CACNG7: variants seen among roughly 807,000 people sequenced by gnomAD.
CACNG7 encodes calcium voltage-gated channel auxiliary subunit gamma 7, also known as voltage-dependent calcium channel gamma-7 subunit.
Under a neutral mutation model 26.3 loss-of-function variants are expected in CACNG7, and 9 were observed. That is an observed-to-expected ratio of 0.34 (90% confidence interval 0.21 to 0.60). CACNG7 has a LOEUF of 0.60. CACNG7 is among the 20% of genes least tolerant of loss of function. CACNG7 has a pLI of 0.81. For synonymous variants in CACNG7, 170 were observed against 157.0 expected (o/e 1.08, Z -0.62); for missense variants, 297 against 380.4 (o/e 0.78, Z 1.82).
At chr19:53,932,883 C>T (rs780015253) in intron 4 of CACNG7, among the ~76,000 whole-genome samples, 1 of 149,428 alleles carries the variant, frequency 6.7e-6, no homozygotes, top group East Asian at 2.0e-4. Flanking sequence ...CGTCCAGGCA[C>T]TGCAACCTCC....
chr19:53,941,028 C>T (rs2069134130), intron 4 of CACNG7, among the ~76,000 whole-genome samples: 2 of 150,502 alleles, frequency 1.3e-5, no homozygotes, highest in Admixed American at 1.3e-4. Context: ...GGCCACTGCA[C>T]TCCAGCCCAG....
Position 53,916,785 on chromosome 19 carries a change from C to G in CACNG7, c.424+1280C>G, listed in dbSNP as rs2068901665. ...AAAGTGCTGGGATTACAGGTGTGAG[C>G]CCCTGCGCCTGGCTTTTTTTTTTTT... On this transcript the variant is annotated intron_variant, in intron 4 of 5. Coordinates refer to ENST00000391767, the MANE Select transcript of CACNG7 (RefSeq NM_031896.5). Among the ~76,000 whole-genome samples, 3 of 149,978 alleles carry G rather than the reference C, an allele frequency of 2.0e-5. 1 individual carries two copies. Among genetic ancestry groups the G allele is most frequent in the Non-Finnish European group, 4.4e-5 (3 of 67,574 alleles).
At chr19:53,924,861 G>T (rs1165428237) in intron 4 of CACNG7, among the ~76,000 whole-genome samples, 2 of 146,600 alleles carry the variant, frequency 1.4e-5, no homozygotes, top group South Asian at 2.3e-4. Flanking sequence ...GTCATTGGTG[G>T]ACTTGCCCCA....
intron 5 of CACNG7, 44 bp from the exon 6 acceptor site, chr19:53,941,992 G>A (rs1222182019): frequency 3.9e-6 from 6 of 1,529,728 alleles, no homozygotes; most frequent in Non-Finnish European, 5.3e-6. Flanking sequence ...GTCCGGGGAT[G>A]CGCAGGGGGG....
At chr19:53,936,577 G>A (rs1423968737) in intron 4 of CACNG7, among the ~76,000 whole-genome samples, 1 of 152,072 alleles carries the variant, frequency 6.6e-6, no homozygotes, top group South Asian at 2.1e-4. Flanking sequence ...TATCAGTGTG[G>A]ACTCATGTAT....
At chr19:53,925,224 A>T (rs1171822991) in intron 4 of CACNG7, among the ~76,000 whole-genome samples, 7 of 137,536 alleles carry the variant, frequency 5.1e-5, no homozygotes, top group South Asian at 2.3e-4. Flanking sequence ...CAGGCTGGTC[A>T]TTGGCGGACT....
At chr19:53,941,637 C>T in intron 5 of CACNG7, 22 bp downstream of exon 5, 3 of 1,604,454 alleles carry the variant, frequency 1.9e-6, no homozygotes, top group Non-Finnish European at 2.5e-6. Context: ...GGGACCTAGA[C>T]TCTAGAGTTC....
intron 1 of CACNG7, among the ~76,000 whole-genome samples, chr19:53,910,412 G>A (rs1174520799): frequency 6.6e-6 from 1 of 152,152 alleles, no homozygotes; most frequent in Non-Finnish European, 1.5e-5. Context: ...GGTGGAGCGG[G>A]GAGGAGTGAG....
chr19:53,915,241 G>C, intron 3 of CACNG7, 124 bp from the exon 4 acceptor site: 1 of 678,660 alleles, frequency 1.5e-6, no homozygotes, highest in Non-Finnish European at 2.6e-6. Flanking sequence ...AAGGGGAGGA[G>C]TCAGTAAGGA....
chr19:53,924,836 G>T (rs183013888), intron 4 of CACNG7, among the ~76,000 whole-genome samples: 1 of 119,280 alleles, frequency 8.4e-6, no homozygotes. Context: ...CATTGGTGGA[G>T]TTGCCCCAGG....
chr19:53,924,892 G>A lies in CACNG7; in HGVS notation c.424+9387G>A, dbSNP rs571414539. On this transcript the variant is annotated intron_variant, in intron 4 of 5. Coordinates refer to ENST00000391767, the MANE Select transcript of CACNG7 (RefSeq NM_031896.5). ...CCCCAGGCTGGTCATTGGTGTACTT[G>A]CCCCAGGTCTGGTCATTGGTGGAGT... Among the ~76,000 whole-genome samples, 5 of 138,762 alleles carry A rather than the reference G, an allele frequency of 3.6e-5. No homozygotes were observed. In the South Asian group the frequency reaches 9.5e-4, roughly 26 times the overall value. 91.0% of individuals were successfully genotyped at this position (138,762 alleles called of 152,430 possible).
At chr19:53,924,590 T>A (rs1179213606) in intron 4 of CACNG7, among the ~76,000 whole-genome samples, 2 of 130,926 alleles carry the variant, frequency 1.5e-5, no homozygotes, top group Admixed American at 7.6e-5. Context: ...CCCAGGCTGG[T>A]CATTGGTGGA....
chr19:53,929,752 T>A (rs1021690635), intron 4 of CACNG7, among the ~76,000 whole-genome samples: 2 of 152,054 alleles, frequency 1.3e-5, no homozygotes, highest in African/African-American at 2.4e-5. Flanking sequence ...CTATAATCAC[T>A]CCCTTACTGC....
chr19:53,921,494 G>A (rs552611466), intron 4 of CACNG7, among the ~76,000 whole-genome samples: 21 of 143,938 alleles, frequency 1.5e-4, no homozygotes, highest in African/African-American at 5.5e-4. Context: ...GTCATTGGTG[G>A]AGTTGCCCCA....
At chr19:53,930,589 G>C (rs760389049) in intron 4 of CACNG7, among the ~76,000 whole-genome samples, 7 of 152,066 alleles carry the variant, frequency 4.6e-5, no homozygotes, top group Admixed American at 2.0e-4. Flanking sequence ...TAGCCAGGAT[G>C]GTCTTGAACT....
In CACNG7 at chr19:53,912,653, G is replaced by T. The variant is rs13346441; in HGVS notation, c.-29-150G>T. Reference sequence around the variant, plus strand: ...TGTCTCTGGTCAGACTCTAGGGTTGGGGTCATGGGTCAGGCCACGGAGGTC... The same window carrying T: ...TGTCTCTGGTCAGACTCTAGGGTTGTGGTCATGGGTCAGGCCACGGAGGTC... On this transcript the variant is annotated intron_variant, in intron 1 of 5. Transcript: ENST00000391767. This position sits in a 1 kb window ranked among gnomAD's most constrained non-coding sequence, Gnocchi z 4.6. 2,842 of 610,838 alleles carry T rather than the reference G, an allele frequency of 4.7e-3. 61 individuals are homozygous for T. Among genetic ancestry groups the T allele is most frequent in the African/African-American group, 0.046 (2,506 of 54,194 alleles). 37.8% of individuals were successfully genotyped at this position (610,838 alleles called of 1,614,324 possible).
At chr19:53,935,519 C>T (rs1282891539) in intron 4 of CACNG7, among the ~76,000 whole-genome samples, 2 of 150,882 alleles carry the variant, frequency 1.3e-5, no homozygotes, top group East Asian at 3.9e-4. Context: ...GACAAGGTTT[C>T]ACCATGTGGG....
intron 4 of CACNG7, among the ~76,000 whole-genome samples, chr19:53,924,693 G>C (rs1178907217): frequency 6.7e-6 from 1 of 149,508 alleles, no homozygotes; most frequent in East Asian, 2.1e-4. Context: ...CCCAGGTCTG[G>C]TATTGGTGGA....
chr19:53,912,237 C>T lies in CACNG7; in HGVS notation c.-29-566C>T, dbSNP rs530778785. ...GGTGTTCACAACCGGGGGCTTCGAT[C>T]GTCACACAGAGACAGGGCTGCAGGA... On this transcript the variant is annotated intron_variant, in intron 1 of 5. Transcript: ENST00000391767. This position sits in a 1 kb window ranked among gnomAD's most constrained non-coding sequence, Gnocchi z 4.6. Among the ~76,000 whole-genome samples, 4 of 152,194 alleles carry T rather than the reference C, an allele frequency of 2.6e-5. No homozygotes were observed. Among genetic ancestry groups the T allele is most frequent in the African/African-American group, 4.8e-5 (2 of 41,524 alleles).
Sources: gnomAD v4.1 joint callset for allele counts (sites outside exome capture counted in the v4.1 genomes callset) on GRCh38, gnomAD v4.1.1 for gene constraint, Gnocchi (gnomAD v3.1) non-coding constraint, MANE v1.5 for transcripts, NCBI Gene and HGNC (gene_info 2026-07-23, HGNC 2026-07-21) for gene names.